The following PCDHA10 variants were observed in gnomAD, a reference collection of about 807,000 sequenced individuals.
The protein encoded by PCDHA10 is protocadherin alpha 10.
A neutral mutation model predicts 61.2 loss-of-function variants in PCDHA10; 45 were observed. That is an observed-to-expected ratio of 0.74 (90% CI 0.58 to 0.94). PCDHA10 has a LOEUF of 0.94. PCDHA10 is among the 40% of genes least tolerant of loss of function. The probability of loss-of-function intolerance (pLI) is 0.00; values close to 1 mark genes in which losing one functional copy is unlikely to be tolerated. For synonymous variants in PCDHA10, 602 were observed against 548.8 expected, an observed-to-expected ratio of 1.10 and a Z score of -1.35; for missense variants, 1,278 against 1,236.2, an observed-to-expected ratio of 1.03 and a Z score of -0.51.
intron 1 of PCDHA10, chr5:140,877,486 A>G: frequency 3.7e-6 from 6 of 1,613,722 alleles, no homozygotes; most frequent in Non-Finnish European, 5.1e-6. Flanking sequence ...GCTGGTGGAG[A>G]ACGGCCAGGC....
chr5:140,884,886 A>G (rs1261353977), intron 1 of PCDHA10, among the ~76,000 whole-genome samples: 1 of 152,220 alleles, frequency 6.6e-6, no homozygotes, highest in Non-Finnish European at 1.5e-5. Flanking sequence ...CAAAACAAGA[A>G]TATTTTGTTT....
chr5:140,969,292 C>G, intron 1 of PCDHA10: 2 of 1,614,208 alleles, frequency 1.2e-6, no homozygotes, highest in Non-Finnish European at 1.7e-6. Context: ...ATGCTGGGAA[C>G]CTGATTATTC....
At chr5:140,936,519 G>A (rs77875081) in intron 1 of PCDHA10, among the ~76,000 whole-genome samples, 2,263 of 152,276 alleles carry the variant, frequency 0.015, 25 homozygotes, top group Non-Finnish European at 0.022. Context: ...TAAATTACCT[G>A]AAATTGCTTT....
At chr5:140,861,746 A>G (rs1163368847) in intron 1 of PCDHA10, 1 of 145,142 alleles carries the variant, frequency 6.9e-6, no homozygotes, top group African/African-American at 2.8e-5. Context: ...ACTGTGCCGC[A>G]ATGATTATTT....
At chr5:140,878,993 G>A (rs369200128) in intron 1 of PCDHA10, among the ~76,000 whole-genome samples, 70 of 152,306 alleles carry the variant, frequency 4.6e-4, no homozygotes, top group African/African-American at 1.7e-3. Context: ...AGAAATGAGA[G>A]TATGCCCTAG....
chr5:140,984,426 G>A (rs781888913), intron 3 of PCDHA10, among the ~76,000 whole-genome samples: 2 of 152,160 alleles, frequency 1.3e-5, no homozygotes, highest in South Asian at 2.1e-4. Flanking sequence ...AGATAGAGAA[G>A]GGGATCTCCC....
At chr5:140,875,606 T>C in intron 1 of PCDHA10, 4 of 1,613,864 alleles carry the variant, frequency 2.5e-6, no homozygotes, top group Middle Eastern at 3.4e-4. Flanking sequence ...GGCACCTTCG[T>C]GGGCCGCATC....
intron 1 of PCDHA10, chr5:140,861,856 A>G (rs1225378019): frequency 1.3e-5 from 2 of 156,674 alleles, no homozygotes; most frequent in Admixed American, 1.3e-4. Context: ...TGGTGCTCAA[A>G]GCAACTGATG....
At chr5:140,938,907 A>T (rs2092260332) in intron 1 of PCDHA10, among the ~76,000 whole-genome samples, 1 of 152,090 alleles carries the variant, frequency 6.6e-6, no homozygotes, top group Non-Finnish European at 1.5e-5. Context: ...GCACACACAC[A>T]CACGCACAAG....
chr5:141,000,314 A>T (rs2097900305), intron 3 of PCDHA10, among the ~76,000 whole-genome samples: 1 of 145,492 alleles, frequency 6.9e-6, no homozygotes, highest in East Asian at 2.0e-4. Context: ...GTTCAAGACC[A>T]GCTTGGGCAA....
At chr5:140,875,997 T>A (rs1441666431) in intron 1 of PCDHA10, 1 of 1,613,924 alleles carries the variant, frequency 6.2e-7, no homozygotes, top group East Asian at 2.2e-5. Flanking sequence ...TAAGTCTAAA[T>A]GAGAATTTTG....
At chr5:140,927,165 T>A in intron 1 of PCDHA10, 1 of 1,614,164 alleles carries the variant, frequency 6.2e-7, no homozygotes, top group Non-Finnish European at 8.5e-7. Context: ...GGGCCAAAGC[T>A]GCCTGCGTCT....
chr5:140,900,693 T>A (rs1223398418), intron 1 of PCDHA10, among the ~76,000 whole-genome samples: 1 of 152,242 alleles, frequency 6.6e-6, no homozygotes, highest in African/African-American at 2.4e-5. Flanking sequence ...TATACTGATT[T>A]CCGTTCTTTT....
In PCDHA10 at chr5:141,007,955, C is replaced by T. The variant is rs192197811; in HGVS notation, c.2537-1672C>T. ...CTAAGCCACCTTTTTGAGAACTGCT[C>T]ATTCTCTGGGTGTCTGTCATGTATA... On this transcript the variant is annotated intron_variant, in intron 3 of 3. Transcript: ENST00000307360. 2.6e-5 allele frequency among the ~76,000 whole-genome samples: 4 copies of T among 152,294 alleles called. No homozygotes were observed. In the East Asian group the frequency reaches 7.7e-4, roughly 29 times the overall value.
intron 1 of PCDHA10, among the ~76,000 whole-genome samples, chr5:140,905,575 G>A (rs1233481804): frequency 6.6e-6 from 1 of 152,138 alleles, no homozygotes; most frequent in Non-Finnish European, 1.5e-5. Flanking sequence ...TGTGAAGAAT[G>A]ATAATGATAT....
At chr5:140,907,166 A>C (rs2073212277) in intron 1 of PCDHA10, among the ~76,000 whole-genome samples, 2 of 152,174 alleles carry the variant, frequency 1.3e-5, no homozygotes, top group Non-Finnish European at 2.9e-5. Context: ...CATATATTGG[A>C]TGCTGATTCA....
chr5:140,963,312 TG>T (rs2153735087), intron 1 of PCDHA10, among the ~76,000 whole-genome samples: 1 of 152,332 alleles, frequency 6.6e-6, no homozygotes, highest in African/African-American at 2.4e-5. Flanking sequence ...AGAAGCTGTT[TG>T]TATTAGAATT....
intron 1 of PCDHA10, among the ~76,000 whole-genome samples, chr5:140,885,974 T>C (rs2060795303): frequency 6.6e-6 from 1 of 152,200 alleles, no homozygotes; most frequent in Admixed American, 6.5e-5. Flanking sequence ...GAGATAATTA[T>C]AGATTCGCAT....
At chr5:140,925,994 G>C (rs1041576118) in intron 1 of PCDHA10, among the ~76,000 whole-genome samples, 1 of 152,138 alleles carries the variant, frequency 6.6e-6, no homozygotes, top group Non-Finnish European at 1.5e-5. Context: ...CGCTGGCTCC[G>C]CTGCCTCGAA....
Sources: gnomAD v4.1 joint callset for allele counts (sites outside exome capture counted in the v4.1 genomes callset) on GRCh38, gnomAD v4.1.1 for gene constraint, MANE v1.5 for transcripts, NCBI Gene and HGNC (gene_info 2026-07-23, HGNC 2026-07-21) for gene names.